Variants in ASB13 observed in about 807,000 individuals in gnomAD.
ASB13 encodes the protein ankyrin repeat and SOCS box protein 13.
In ASB13, 33 loss-of-function variants were observed where a neutral mutation model predicts 28.8. The ratio of observed to expected loss-of-function variants is 1.15; its 90% CI spans 0.87 to 1.53. The LOEUF is 1.53. Among genes scored for constraint, ASB13 ranks in the 40% most tolerant of loss-of-function variants. The pLI is 0.00. For synonymous variants in ASB13, 182 were observed against 172.9 expected (o/e 1.05, Z -0.41); for missense variants, 414 against 390.1 (o/e 1.06, Z -0.52).
At position 5,649,181 on chromosome 10, in the gene ASB13, G is replaced by C; in HGVS notation, c.383-77C>G. ...ACAACAAGCACACAGACGCGGCAGGGGCAGCAGCCTCCATCCTTGGTGCAG... is the reference window on the plus strand; with the variant it reads ...ACAACAAGCACACAGACGCGGCAGGCGCAGCAGCCTCCATCCTTGGTGCAG... On this transcript the variant is annotated intron_variant, in intron 3 of 5. Coordinates refer to ENST00000357700, the MANE Select transcript of ASB13 (RefSeq NM_024701.4). The surrounding 1 kb of genome is among the most constrained non-coding windows in gnomAD (Gnocchi z 6.4). 1.3e-6 allele frequency: 2 copies of C among 1,583,416 alleles called. No individual in the cohort carries two copies. The highest frequency in any genetic ancestry group is 1.7e-6 in the Non-Finnish European group (2 of 1,163,048).
intron 1 of ASB13, among the ~76,000 whole-genome samples, chr10:5,662,387 C>T (rs1214107801): frequency 2.0e-5 from 3 of 151,584 alleles, no homozygotes; most frequent in Non-Finnish European, 4.4e-5. Flanking sequence ...GGTGTGGTGG[C>T]ATGCACCTGT....
In ASB13 at chr10:5,649,229, G is replaced by A; in HGVS notation, c.383-125C>T. ...CAGGGCAGGGAAGCCAGGCAGGCCT[G>A]CGTCCCAACCTAGGGAGGAGTTCAT... is the stretch of plus-strand genomic sequence containing the variant. On this transcript the variant is annotated intron_variant, in intron 3 of 5. Coordinates refer to ENST00000357700, the MANE Select transcript of ASB13 (RefSeq NM_024701.4). The surrounding 1 kb of genome is among the most constrained non-coding windows in gnomAD (Gnocchi z 6.4). The A allele has an allele frequency of 7.4e-7, 1 of 1,352,108 alleles. No individual in the cohort carries two copies. Among genetic ancestry groups the A allele is most frequent in the South Asian group, 1.3e-5 (1 of 76,266 alleles). 83.8% of individuals were successfully genotyped at this position (1,352,108 alleles called of 1,614,324 possible). A position where few individuals can be genotyped will look rare whatever the true frequency, so the allele number is the denominator to read the frequency against.
Position 5,652,773 on chromosome 10 carries a change from C to T in ASB13, c.231+90G>A, listed in dbSNP as rs1187357578. The T allele has an allele frequency of 1.5e-6, 2 of 1,352,492 alleles. No individual in the cohort carries two copies. The highest frequency in any genetic ancestry group is 2.9e-5 in the African/African-American group (2 of 68,554). 83.8% of individuals were successfully genotyped at this position (1,352,492 alleles called of 1,614,324 possible). A position where few individuals can be genotyped will look rare whatever the true frequency, so the allele number is the denominator to read the frequency against. On this transcript the variant is annotated intron_variant, in intron 2 of 5. Transcript: ENST00000357700. The surrounding 1 kb of genome is among the most constrained non-coding windows in gnomAD (Gnocchi z 5.0). The stretch of plus-strand genomic sequence containing the variant: ...GCAGTGGACACAGTGCAGCCCCCAT[C>T]CTCCCCTCTTTCCCAAGTTCTCCTG...
rs940008637 is a variant in ASB13, at chr10:5,639,196, C to A, written c.*1507G>T. 6.6e-6 allele frequency: 1 copy of A among 152,670 alleles called. No homozygotes were observed. Among genetic ancestry groups the A allele is most frequent in the African/African-American group, 2.4e-5 (1 of 41,442 alleles). The allele number at this position is 152,670 out of a possible 1,614,324, so 9.5% of individuals were successfully genotyped here. ...TTTTCGCCAGATTTGTGGCCCCACC[C>A]CCAAGTACCCACGCGGAGAGGCCTC... On this transcript the variant is annotated 3_prime_UTR_variant, in exon 6 of 6. Coordinates refer to ENST00000357700, the MANE Select transcript of ASB13 (RefSeq NM_024701.4).
In ASB13 at chr10:5,651,768, G is replaced by A. The variant is rs116617326; in HGVS notation, c.232-405C>T. On this transcript the variant is annotated intron_variant, in intron 2 of 5. Coordinates refer to ENST00000357700, the MANE Select transcript of ASB13 (RefSeq NM_024701.4). The surrounding 1 kb of genome is among the most constrained non-coding windows in gnomAD (Gnocchi z 5.1). ...CTGTAACCCCAGCACTTCGGAAGGC[G>A]AGGAGGGAGGGTCACTTGAGCTCAG... 3.5e-3 allele frequency among the ~76,000 whole-genome samples: 537 copies of A among 152,074 alleles called. 4 individuals are homozygous for A. The highest frequency in any genetic ancestry group is 0.012 in the African/African-American group (508 of 41,472).
rs1024864371 is a variant in ASB13, at chr10:5,663,655, C to T, written c.43+2854G>A. ...AGCAGGCAATGTCTCCCAGGGCTGC[C>T]GAGTCGAGGAGGAGGATAGAGGTAC... On this transcript the variant is annotated intron_variant, in intron 1 of 5. Transcript: ENST00000357700. The surrounding 1 kb of genome is among the most constrained non-coding windows in gnomAD (Gnocchi z 4.9). 1.3e-5 allele frequency among the ~76,000 whole-genome samples: 2 copies of T among 152,136 alleles called. No homozygotes were observed. The highest frequency in any genetic ancestry group is 6.5e-5 in the Admixed American group (1 of 15,270).
chr10:5,666,459 A>T (rs76394459), intron 1 of ASB13, 50 bp downstream of exon 1: 297,379 of 1,266,742 alleles, frequency 0.23, 36,162 homozygotes, highest in South Asian at 0.32. Flanking sequence ...GGCCGGCCTC[A>T]GGAGCCGGCG....
intron 1 of ASB13, 40 bp downstream of exon 1, chr10:5,666,469 G>A: frequency 7.8e-7 from 1 of 1,280,224 alleles, no homozygotes; most frequent in Admixed American, 3.6e-5. Context: ...AGGAGCCGGC[G>A]CCGCTGCCTC....
intron 4 of ASB13, among the ~76,000 whole-genome samples, chr10:5,648,693 C>T (rs1368411729): frequency 2.6e-5 from 4 of 151,328 alleles, no homozygotes; most frequent in Admixed American, 2.0e-4. Flanking sequence ...TAAACACCCA[C>T]GCGGGCAAAC....
At position 5,660,715 on chromosome 10, in the gene ASB13, C is replaced by A. The variant is rs572382311; in HGVS notation, c.43+5794G>T. Among the ~76,000 whole-genome samples, 8 of 152,166 alleles carry A rather than the reference C, an allele frequency of 5.3e-5. No homozygotes were observed. Among genetic ancestry groups the A allele is most frequent in the Non-Finnish European group, 1.2e-4 (8 of 68,020 alleles). On this transcript the variant is annotated intron_variant, in intron 1 of 5. Transcript: ENST00000357700. The surrounding 1 kb of genome is among the most constrained non-coding windows in gnomAD (Gnocchi z 6.1). ...ACCAGTCCTGTGGGGAGGGCAGGTG[C>A]GGGTTCTACCATCTCATCTTTGTTC... is the stretch of plus-strand genomic sequence containing the variant.
chr10:5,646,869 A>T (rs979687418), intron 4 of ASB13, among the ~76,000 whole-genome samples: 2 of 152,246 alleles, frequency 1.3e-5, no homozygotes, highest in Non-Finnish European at 2.9e-5. Flanking sequence ...GTGTTCATAG[A>T]AACGGATCCA....
At position 5,645,435 on chromosome 10, in the gene ASB13, A is replaced by G. The variant is rs768106135; in HGVS notation, c.518-3474T>C. Among the ~76,000 whole-genome samples, 3 of 152,158 alleles carry G rather than the reference A, an allele frequency of 2.0e-5. No homozygotes were observed. The highest frequency in any genetic ancestry group is 4.4e-5 in the Non-Finnish European group (3 of 68,028). ...ACTGTCAGTGATCAGATTAAAAATT[A>G]CTTCACCATCATAACCGGACTTTCA... On this transcript the variant is annotated intron_variant, in intron 4 of 5. Coordinates refer to ENST00000357700, the MANE Select transcript of ASB13 (RefSeq NM_024701.4). This position sits in a 1 kb window ranked among gnomAD's most constrained non-coding sequence, Gnocchi z 5.4.
In ASB13 at chr10:5,650,941, C is replaced by T. The variant is rs1464419476; in HGVS notation, c.382+272G>A. ...CCTCTGCAGAGTCCCCCAGGCCCTG[C>T]TAACGTGGAGAGGCCCAGGGAACCC... On this transcript the variant is annotated intron_variant, in intron 3 of 5. Transcript: ENST00000357700. The surrounding 1 kb of genome is among the most constrained non-coding windows in gnomAD (Gnocchi z 6.0). 6.6e-6 allele frequency among the ~76,000 whole-genome samples: 1 copy of T among 152,190 alleles called. No individual in the cohort carries two copies. The highest frequency in any genetic ancestry group is 6.5e-5 in the Admixed American group (1 of 15,290).
rs12263794 is a variant in ASB13 at position 5,645,310 on chromosome 10, A to T, written c.518-3349T>A. On this transcript the variant is annotated intron_variant, in intron 4 of 5. Coordinates refer to ENST00000357700, the MANE Select transcript of ASB13 (RefSeq NM_024701.4). This position sits in a 1 kb window ranked among gnomAD's most constrained non-coding sequence, Gnocchi z 5.4. Reference sequence around the variant, plus strand: ...AAAATTAAACAACAATTTTAAAAAAATTTTTTAAATTGTGCCAGGGCCAGT... The same window carrying T: ...AAAATTAAACAACAATTTTAAAAAATTTTTTTAAATTGTGCCAGGGCCAGT... Among the ~76,000 whole-genome samples the T allele has an allele frequency of 3.7e-3, 563 of 152,260 alleles. 2 individuals are homozygous for T. Among genetic ancestry groups the T allele is most frequent in the Middle Eastern group, 0.014 (4 of 294 alleles).
rs1835116442 is a variant in ASB13 at position 5,659,052 on chromosome 10, G to A, written c.44-6002C>T. 6.6e-6 allele frequency among the ~76,000 whole-genome samples: 1 copy of A among 152,226 alleles called. No homozygotes were observed. ...AAAGAATCGGGAAGGACAGCTTATG[G>A]TCACGGACCTTAAATGGATGAGGAG... On this transcript the variant is annotated intron_variant, in intron 1 of 5. Transcript: ENST00000357700. This position sits in a 1 kb window ranked among gnomAD's most constrained non-coding sequence, Gnocchi z 5.8.
rs1834778831 is a variant in ASB13 at position 5,639,882 on chromosome 10, C to T, written c.*821G>A. On this transcript the variant is annotated 3_prime_UTR_variant, in exon 6 of 6. Coordinates refer to ENST00000357700, the MANE Select transcript of ASB13 (RefSeq NM_024701.4). ...AGCCACGAGAATATACACCTTGACA[C>T]ACCTTCACACTGCTGTCGGTTTGAA... is the stretch of plus-strand genomic sequence containing the variant. The T allele has an allele frequency of 1.3e-5, 2 of 152,490 alleles. No homozygotes were observed. Among genetic ancestry groups the T allele is most frequent in the African/African-American group, 4.8e-5 (2 of 41,434 alleles). The allele number at this position is 152,490 out of a possible 1,614,324, so 9.4% of individuals were successfully genotyped here.
At chr10:5,654,468 C>T (rs971233276) in intron 1 of ASB13, among the ~76,000 whole-genome samples, 7 of 152,100 alleles carry the variant, frequency 4.6e-5, no homozygotes, top group East Asian at 1.9e-4. Context: ...AGACAATGGC[C>T]GGGCTTAGTC....
chr10:5,649,206 G>GGGCAGGGAAGCCA lies in ASB13; in HGVS notation c.383-115_383-103dup. The GGGCAGGGAAGCCA allele has an allele frequency of 6.6e-7, 1 of 1,520,008 alleles. No individual in the cohort carries two copies. Among genetic ancestry groups the GGGCAGGGAAGCCA allele is most frequent in the Non-Finnish European group, 8.9e-7 (1 of 1,117,866 alleles). The allele number at this position is 1,520,008 out of a possible 1,614,324, so 94.2% of individuals were successfully genotyped here. A position where few individuals can be genotyped will look rare whatever the true frequency, so the allele number is the denominator to read the frequency against. ...GGCAGCAGCCTCCATCCTTGGTGCA[G>GGGCAGGGAAGCCA]GGCAGGGAAGCCAGGCAGGCCTGCG... On this transcript the variant is annotated intron_variant, in intron 3 of 5. Transcript: ENST00000357700. This position sits in a 1 kb window ranked among gnomAD's most constrained non-coding sequence, Gnocchi z 6.4.
In ASB13 at chr10:5,645,950, T is replaced by C. The variant is rs1021408702; in HGVS notation, c.517+3020A>G. Among the ~76,000 whole-genome samples, 1 of 152,194 alleles carries C rather than the reference T, an allele frequency of 6.6e-6. No individual in the cohort carries two copies. Among genetic ancestry groups the C allele is most frequent in the Non-Finnish European group, 1.5e-5 (1 of 68,034 alleles). On this transcript the variant is annotated intron_variant, in intron 4 of 5. Transcript: ENST00000357700. This position sits in a 1 kb window ranked among gnomAD's most constrained non-coding sequence, Gnocchi z 5.4. ...GAAAAAATGGTTTCTAAGAAGAAGATGATGATCCATCTGCTCTCACAAGGG... is the reference window on the plus strand; with the variant it reads ...GAAAAAATGGTTTCTAAGAAGAAGACGATGATCCATCTGCTCTCACAAGGG...
Sources: gnomAD v4.1 joint callset for allele counts (sites outside exome capture counted in the v4.1 genomes callset) on GRCh38, gnomAD v4.1.1 for gene constraint, Gnocchi (gnomAD v3.1) non-coding constraint, MANE v1.5 for transcripts, NCBI Gene and HGNC (gene_info 2026-07-23, HGNC 2026-07-21) for gene names.